The following PRKG1 variants were observed in gnomAD, a reference collection of about 807,000 sequenced individuals.
PRKG1 encodes the protein protein kinase cGMP-dependent 1.
In PRKG1, 35 loss-of-function variants were observed where a neutral mutation model predicts 88.1. The ratio of observed to expected loss-of-function variants is 0.40; its 90% CI spans 0.30 to 0.53. The LOEUF (loss-of-function observed/expected upper bound fraction) is 0.53, where lower values mean the gene tolerates loss of function less well. Ranked by LOEUF, PRKG1 falls within the 20% of genes least tolerant of loss-of-function variation. PRKG1 has a pLI of 0.59. For synonymous variants in PRKG1, 303 were observed against 292.5 expected, an observed-to-expected ratio of 1.04 and a Z score of -0.37; for missense variants, 540 against 839.8, an observed-to-expected ratio of 0.64 and a Z score of 4.41.
chr10:51,364,798 C>T (rs549285616), intron 2 of PRKG1, among the ~76,000 whole-genome samples: 22 of 151,904 alleles, frequency 1.4e-4, no homozygotes, highest in East Asian at 7.8e-4. Context: ...GGCTTTATCA[C>T]GATTAGGAGT....
chr10:51,923,597 C>G (rs1048673580), intron 5 of PRKG1, among the ~76,000 whole-genome samples: 4 of 150,968 alleles, frequency 2.6e-5, no homozygotes, highest in Non-Finnish European at 5.9e-5. Context: ...CAACATACCA[C>G]CAATTCAGGC....
At chr10:51,252,563 T>C (rs1839454486) in intron 2 of PRKG1, among the ~76,000 whole-genome samples, 1 of 151,564 alleles carries the variant, frequency 6.6e-6, no homozygotes, top group South Asian at 2.1e-4. Context: ...TCTGTTCTTT[T>C]TTTCATGAAA....
At chr10:51,094,261 T>C (rs1392709372) in intron 1 of PRKG1, among the ~76,000 whole-genome samples, 1 of 152,082 alleles carries the variant, frequency 6.6e-6, no homozygotes, top group Admixed American at 6.6e-5. Context: ...AGCACTCAGC[T>C]TCTAACAGTT....
chr10:51,781,060 G>A (rs1838575685), intron 3 of PRKG1, among the ~76,000 whole-genome samples: 1 of 152,048 alleles, frequency 6.6e-6, no homozygotes, highest in Admixed American at 6.6e-5. Flanking sequence ...CTCGTTGGAT[G>A]GGGTGGTGTT....
chr10:52,030,108 C>T (rs1589535755), intron 5 of PRKG1, among the ~76,000 whole-genome samples: 1 of 152,184 alleles, frequency 6.6e-6, no homozygotes, highest in East Asian at 1.9e-4. Flanking sequence ...AAGTCAAAGA[C>T]AGCATATAAT....
At chr10:51,698,342 C>T in intron 3 of PRKG1, 1 of 1,614,184 alleles carries the variant, frequency 6.2e-7, no homozygotes, top group Non-Finnish European at 8.5e-7. Context: ...AGGTAGACCC[C>T]TTTGATCTAT....
chr10:51,660,170 CAAG>C (rs1301950002), intron 3 of PRKG1, among the ~76,000 whole-genome samples: 2 of 147,676 alleles, frequency 1.4e-5, no homozygotes, highest in Non-Finnish European at 3.0e-5. Context: ...TTTCTGGGAT[CAAG>C]AAGACACAGT....
chr10:52,132,727 T>C (rs895272099), intron 7 of PRKG1, among the ~76,000 whole-genome samples: 3 of 152,094 alleles, frequency 2.0e-5, no homozygotes, highest in Non-Finnish European at 4.4e-5. Context: ...AGAAATTTTA[T>C]TGTTTTTGGA....
At chr10:52,101,812 T>C (rs1693917690) in intron 7 of PRKG1, among the ~76,000 whole-genome samples, 1 of 152,184 alleles carries the variant, frequency 6.6e-6, no homozygotes. Flanking sequence ...ACAAATTTAA[T>C]TGGTTAAAGT....
chr10:51,090,605 A>AT (rs991489936), intron 1 of PRKG1, among the ~76,000 whole-genome samples: 2 of 152,234 alleles, frequency 1.3e-5, no homozygotes, highest in African/African-American at 4.8e-5. Context: ...TAATTGTATT[A>AT]TGCCAAGGTA....
chr10:51,821,328 G>T (rs952217465), intron 4 of PRKG1, among the ~76,000 whole-genome samples: 1 of 151,950 alleles, frequency 6.6e-6, no homozygotes, highest in Non-Finnish European at 1.5e-5. Flanking sequence ...CATGTTTTTC[G>T]TGAGCGTCTG....
intron 1 of PRKG1, among the ~76,000 whole-genome samples, chr10:51,138,849 AT>A (rs1438772974): frequency 6.6e-6 from 1 of 150,912 alleles, no homozygotes; most frequent in South Asian, 2.1e-4. Context: ...TGCCCGGCTA[AT>A]TTTTTACATT....
chr10:52,199,886 G>C (rs1169349337), intron 9 of PRKG1, among the ~76,000 whole-genome samples: 1 of 152,174 alleles, frequency 6.6e-6, no homozygotes, highest in African/African-American at 2.4e-5. Flanking sequence ...ATAAGATCAT[G>C]AAAGAGTAAT....
intron 2 of PRKG1, among the ~76,000 whole-genome samples, chr10:51,317,163 G>A (rs1564443978): frequency 6.6e-6 from 1 of 152,158 alleles, no homozygotes; most frequent in Admixed American, 6.5e-5. Flanking sequence ...TTTAGATTCA[G>A]ATTCAATTTA....
rs1422610282 is a variant in PRKG1, at chr10:51,713,272, A to T, written c.593-91313A>T. On this transcript the variant is annotated intron_variant, in intron 3 of 17. Transcript: ENST00000373980. ...TGCAGCATAAAACTGACAGGAAAAA[A>T]TTCTGAAATCTGTAACTACATGACA... Among the ~76,000 whole-genome samples the T allele has an allele frequency of 2.6e-5, 4 of 152,348 alleles. No homozygotes were observed. In the East Asian group the frequency reaches 7.7e-4, roughly 29 times the overall value.
intron 8 of PRKG1, among the ~76,000 whole-genome samples, chr10:52,148,512 T>C (rs79234233): frequency 0.053 from 8,086 of 151,800 alleles, 666 homozygotes; most frequent in African/African-American, 0.17. Flanking sequence ...ATTTAATATA[T>C]TGAATAGAAA....
chr10:52,270,052 C>T (rs2132430053), intron 10 of PRKG1, among the ~76,000 whole-genome samples: 1 of 152,128 alleles, frequency 6.6e-6, no homozygotes, highest in East Asian at 1.9e-4. Context: ...TTCAAAATCT[C>T]CTGAAAAAAT....
chr10:51,661,960 AG>A (rs1840311022), intron 3 of PRKG1, among the ~76,000 whole-genome samples: 1 of 152,160 alleles, frequency 6.6e-6, no homozygotes, highest in Non-Finnish European at 1.5e-5. Flanking sequence ...CATCATTCTG[AG>A]CAAACTATTG....
chr10:51,657,589 T>C (rs1028009046), intron 3 of PRKG1, among the ~76,000 whole-genome samples: 9 of 152,168 alleles, frequency 5.9e-5, no homozygotes, highest in Non-Finnish European at 1.0e-4. Context: ...ATCAGCATTC[T>C]TTATTTTGTG....
Sources: allele counts gnomAD v4.1 joint callset (sites outside exome capture counted in the v4.1 genomes callset), GRCh38; gene constraint gnomAD v4.1.1; transcripts MANE v1.5; gene names NCBI Gene and HGNC (gene_info 2026-07-23, HGNC 2026-07-21).